Variants in SFR1 observed in about 807,000 individuals in gnomAD.
SFR1 encodes SWI5 dependent homologous recombination repair protein 1, also known as swi5-dependent recombination DNA repair protein 1 homolog.
A neutral mutation model predicts 26.2 loss-of-function variants in SFR1; 24 were observed. That is an observed-to-expected ratio of 0.92 (90% CI 0.66 to 1.29). SFR1 has a LOEUF of 1.29. Ranked by LOEUF, SFR1 falls within the 50% of genes most tolerant of loss-of-function variation. The pLI, the probability that SFR1 is intolerant of heterozygous loss-of-function variation, is 0.00. For synonymous variants in SFR1, 77 were observed against 96.6 expected, an observed-to-expected ratio of 0.80 and a Z score of 1.19; for missense variants, 276 against 270.2, an observed-to-expected ratio of 1.02 and a Z score of -0.15.
intron 1 of SFR1, chr10:104,122,715 C>A: frequency 7.2e-7 from 1 of 1,389,848 alleles, no homozygotes; most frequent in South Asian, 1.6e-5. Flanking sequence ...GTGGATGAAA[C>A]GAAAACAAGG....
upstream of SFR1, among the ~76,000 whole-genome samples, chr10:104,120,391 G>A (rs2086950180): frequency 6.6e-6 from 1 of 152,140 alleles, no homozygotes; most frequent in African/African-American, 2.4e-5. Context: ...GTTAACTTAT[G>A]TAATTTTAAA....
At position 104,123,892 on chromosome 10, in the gene SFR1, T is replaced by C. The variant is rs139881037; in HGVS notation, c.314T>C (p.Ile105Thr). Residue 105 changes from isoleucine (I) to threonine (T), a missense_variant, in exon 3 of 4, where the codon ATA becomes ACA. By Grantham distance (89) the Ile-to-Thr change is moderately conservative. Coordinates refer to ENST00000369727, the MANE Select transcript of SFR1 (RefSeq NM_001002759.2). Reference protein sequence around the residue: ...CLEFQESFKHIDSEFEENTNL... With the variant: ...CLEFQESFKHTDSEFEENTNL... ...GAATTTCAAGAAAGTTTTAAACATA[T>C]AGACAGTGAATTTGAAGAAAATACA... 1.9e-5 allele frequency: 31 copies of C among 1,612,910 alleles called. No individual in the cohort carries two copies. The East Asian group carries it at 3.3e-4, about 17-fold the overall frequency.
chr10:104,121,233 G>A (rs1388322780), upstream of SFR1, among the ~76,000 whole-genome samples: 1 of 152,068 alleles, frequency 6.6e-6, no homozygotes, highest in Non-Finnish European at 1.5e-5. Context: ...CCTGTGTTGC[G>A]CCACAACAAA....
In SFR1 at chr10:104,123,082, A is replaced by G. The variant is rs1188053506; in HGVS notation, c.131A>G (p.Lys44Arg). The change falls in exon 2 of 4, where the codon AAA (lysine) becomes AGA (arginine). Residue 44 changes from lysine (K) to arginine (R), a missense_variant. By Grantham distance (26) the Lys-to-Arg change is conservative. Transcript: ENST00000369727. The part of the protein sequence containing the change: ...PSSPYTNSSR[K>R]QPMSATLRER... ...TCTCCCTATACAAATAGTTCCCGAA[A>G]ACAAGTATGAAAATCTTTGTTCTTC... The G allele has an allele frequency of 6.4e-7, 1 of 1,559,056 alleles. No homozygotes were observed. The highest frequency in any genetic ancestry group is 8.7e-7 in the Non-Finnish European group (1 of 1,155,450).
At chr10:104,122,123 G>A, upstream of SFR1, 1 of 1,543,860 alleles carries the variant, frequency 6.5e-7, no homozygotes. Context: ...GCACGGCCCC[G>A]CCCCTGCCAC....
At position 104,125,904 on chromosome 10, in the gene SFR1, T is replaced by TA. The variant is rs2087022315; in HGVS notation, c.*201dup. The TA allele has an allele frequency of 5.3e-6, 2 of 379,784 alleles. No individual in the cohort carries two copies. The highest frequency in any genetic ancestry group is 1.0e-4 in the East Asian group (2 of 19,258). 23.5% of individuals were successfully genotyped at this position (379,784 alleles called of 1,614,324 possible). ...CCTCAGCCTCCCGAGTAGCTGAGAT[T>TA]ACAGGCGCCCGCCACCATGCCCGGC... On this transcript the variant is annotated 3_prime_UTR_variant, in exon 4 of 4. Coordinates refer to ENST00000369727, the MANE Select transcript of SFR1 (RefSeq NM_001002759.2).
upstream of SFR1, chr10:104,122,138 T>C: frequency 6.5e-7 from 1 of 1,546,352 alleles, no homozygotes; most frequent in Non-Finnish European, 8.7e-7. Flanking sequence ...TGCCACAGGA[T>C]CGATTTACGG....
intron 1 of SFR1, chr10:104,122,709 A>G (rs1272073027): frequency 7.2e-7 from 1 of 1,386,870 alleles, no homozygotes; most frequent in African/African-American, 1.5e-5. Flanking sequence ...ATTTTGGTGG[A>G]TGAAACGAAA....
chr10:104,120,777 A>C (rs550889393), upstream of SFR1, among the ~76,000 whole-genome samples: 1 of 152,192 alleles, frequency 6.6e-6, no homozygotes, highest in Non-Finnish European at 1.5e-5. Flanking sequence ...TTGAACCTAG[A>C]CAATTTGACT....
upstream of SFR1, among the ~76,000 whole-genome samples, chr10:104,121,149 A>G (rs74154737): frequency 0.27 from 40,460 of 151,558 alleles, 8,125 homozygotes; most frequent in African/African-American, 0.57. Flanking sequence ...GCTGCCCGGT[A>G]GCCAGCAAGG....
chr10:104,125,773 T>C lies in SFR1; in HGVS notation c.*69T>C, dbSNP rs2087020670. 2 of 1,160,274 alleles carry C rather than the reference T, an allele frequency of 1.7e-6. No individual in the cohort carries two copies. Among genetic ancestry groups the C allele is most frequent in the Non-Finnish European group, 2.5e-6 (2 of 816,080 alleles). The allele number at this position is 1,160,274 out of a possible 1,614,324, so 71.9% of individuals were successfully genotyped here. On this transcript the variant is annotated 3_prime_UTR_variant, in exon 4 of 4. Coordinates refer to ENST00000369727, the MANE Select transcript of SFR1 (RefSeq NM_001002759.2). ...ATTAAAAGATACTTAGGCACTTTTT[T>C]TTTTTTTTTGAGACTGAGTTTCGCT...
rs754080909 is a variant in SFR1, at chr10:104,122,949, A to G, written c.14-16A>G. On this transcript the variant is annotated splice_polypyrimidine_tract_variant and intron_variant, in intron 1 of 3. Coordinates refer to ENST00000369727, the MANE Select transcript of SFR1 (RefSeq NM_001002759.2). ...GGTGTGGTTAATTCGATTATTTTAT[A>G]ATTTTTCTTTTTTAGAGAAAAACCA... The G allele has an allele frequency of 1.2e-6, 2 of 1,610,550 alleles. No homozygotes were observed. Among genetic ancestry groups the G allele is most frequent in the Non-Finnish European group, 8.5e-7 (1 of 1,177,586 alleles).
chr10:104,122,206 T>C lies in SFR1; in HGVS notation c.13+10T>C. On this transcript the variant is annotated intron_variant, in intron 1 of 3. Transcript: ENST00000369727. ...GGAATGGCGGAGGGAGGTACCCTGC[T>C]GAGGGGAAGGGGGGATCCCTGACAC... The C allele has an allele frequency of 1.3e-6, 2 of 1,542,866 alleles. No individual in the cohort carries two copies. Among genetic ancestry groups the C allele is most frequent in the Non-Finnish European group, 1.7e-6 (2 of 1,143,328 alleles).
upstream of SFR1, among the ~76,000 whole-genome samples, chr10:104,121,209 T>G (rs761829340): frequency 6.6e-6 from 1 of 152,068 alleles, no homozygotes; most frequent in Non-Finnish European, 1.5e-5. Context: ...TCTCATGTAG[T>G]GATTGTTCTG....
upstream of SFR1, among the ~76,000 whole-genome samples, chr10:104,121,117 G>T (rs771547317): frequency 3.3e-5 from 5 of 151,636 alleles, no homozygotes; most frequent in African/African-American, 9.7e-5. Flanking sequence ...GCGGGGGGGG[G>T]ATTTTCTCGA....
At chr10:104,122,409 G>C in intron 1 of SFR1, 1 of 985,426 alleles carries the variant, frequency 1.0e-6, no homozygotes, top group Non-Finnish European at 1.2e-6. Context: ...GCCTTTGTCG[G>C]AGGAAGCAAT....
At chr10:104,121,865 A>G (rs1213849678), upstream of SFR1, among the ~76,000 whole-genome samples, 2 of 152,160 alleles carry the variant, frequency 1.3e-5, no homozygotes, top group African/African-American at 4.8e-5. Context: ...CCCGCCCCGA[A>G]GACCTGCTGC....
upstream of SFR1, chr10:104,122,015 C>T (rs1012201446): frequency 4.3e-6 from 3 of 695,460 alleles, no homozygotes; most frequent in East Asian, 3.2e-5. Flanking sequence ...CACCCGCTGG[C>T]GGAGGCGCGC....
At chr10:104,125,268 G>GGGCCAAA (rs2087012664) in intron 3 of SFR1, among the ~76,000 whole-genome samples, 1 of 152,080 alleles carries the variant, frequency 6.6e-6, no homozygotes, top group Admixed American at 6.5e-5. Context: ...CCTATTTAAT[G>GGGCCAAA]ATTTGATTTT....
Sources: gnomAD v4.1 joint callset for allele counts (sites outside exome capture counted in the v4.1 genomes callset) on GRCh38, gnomAD v4.1.1 for gene constraint, MANE v1.5 for transcripts, NCBI Gene and HGNC (gene_info 2026-07-23, HGNC 2026-07-21) for gene names.